The following GALNT7 variants were observed in gnomAD, a reference collection of about 807,000 sequenced individuals.
GALNT7 encodes polypeptide N-acetylgalactosaminyltransferase 7.
Under a neutral mutation model 82.1 loss-of-function variants are expected in GALNT7, and 60 were observed. The observed-to-expected ratio is 0.73, with a 90% CI of 0.59 to 0.91. GALNT7 has a LOEUF of 0.91. Among genes scored for constraint, GALNT7 ranks in the 40% least tolerant of loss-of-function variants. The pLI, the probability that GALNT7 is intolerant of heterozygous loss-of-function variation, is 0.00. For missense variants in GALNT7, 660 were observed against 804.2 expected (o/e 0.82, Z 2.17); for synonymous variants, 243 against 275.1 (o/e 0.88, Z 1.15).
intron 2 of GALNT7, among the ~76,000 whole-genome samples, chr4:173,291,142 C>CA (rs1325760268): frequency 6.6e-6 from 1 of 152,170 alleles, no homozygotes; most frequent in East Asian, 1.9e-4. Context: ...CGTTGTAAAT[C>CA]AAAATTGCTG....
At chr4:173,189,895 T>G (rs550370106) in intron 1 of GALNT7, among the ~76,000 whole-genome samples, 2 of 152,346 alleles carry the variant, frequency 1.3e-5, no homozygotes, top group African/African-American at 2.4e-5. Context: ...CTCAGTTGAT[T>G]CTGTTGACTC....
intron 2 of GALNT7, among the ~76,000 whole-genome samples, chr4:173,260,874 A>G (rs1239880074): frequency 6.6e-6 from 1 of 152,190 alleles, no homozygotes; most frequent in Admixed American, 6.5e-5. Context: ...ATGATGATTT[A>G]CTCAATTTTT....
chr4:173,169,517 C>G (rs1430256457), intron 1 of GALNT7: 1 of 151,694 alleles, frequency 6.6e-6, no homozygotes, highest in African/African-American at 2.4e-5. Flanking sequence ...TCCCCCGGCC[C>G]GCCCGCCGGG....
chr4:173,227,795 T>C (rs969419809), intron 1 of GALNT7, among the ~76,000 whole-genome samples: 1 of 148,426 alleles, frequency 6.7e-6, no homozygotes, highest in Admixed American at 6.6e-5. Context: ...CACTGCATTC[T>C]GTGTTTTTTG....
rs554281131 is a variant in GALNT7 at position 173,259,474 on chromosome 4, C to T, written c.587+11034C>T. ...AATACCGGGAGTGGAGAAAAAAGAT[C>T]CAATCCTGCTATTTCTCTAGTTCTA... On this transcript the variant is annotated intron_variant, in intron 2 of 11. Transcript: ENST00000265000. Among the ~76,000 whole-genome samples, 11 of 151,342 alleles carry T rather than the reference C, an allele frequency of 7.3e-5. No individual in the cohort carries two copies. The East Asian group carries it at 2.2e-3, about 30-fold the overall frequency.
chr4:173,308,295 C>G (rs1272541766), intron 8 of GALNT7, among the ~76,000 whole-genome samples: 2 of 152,088 alleles, frequency 1.3e-5, no homozygotes, highest in African/African-American at 4.8e-5. Flanking sequence ...ATATCCCATT[C>G]TGATTAAGAT....
chr4:173,257,158 G>T (rs1194947001), intron 2 of GALNT7, among the ~76,000 whole-genome samples: 1 of 152,190 alleles, frequency 6.6e-6, no homozygotes, highest in East Asian at 1.9e-4. Flanking sequence ...GCAGTTAGGG[G>T]AGGCTTCCTT....
chr4:173,293,771 G>C (rs1736621475), intron 3 of GALNT7, among the ~76,000 whole-genome samples: 1 of 152,194 alleles, frequency 6.6e-6, no homozygotes, highest in Non-Finnish European at 1.5e-5. Flanking sequence ...CACGGTCCTT[G>C]TGGGTCAGCC....
rs999169102 is a variant in GALNT7 at position 173,295,382 on chromosome 4, A to G, written c.755-14A>G. 1.3e-6 allele frequency: 2 copies of G among 1,523,554 alleles called. No individual in the cohort carries two copies. The highest frequency in any genetic ancestry group is 9.1e-7 in the Non-Finnish European group (1 of 1,100,786). 94.4% of individuals were successfully genotyped at this position (1,523,554 alleles called of 1,614,324 possible). A position where few individuals can be genotyped will look rare whatever the true frequency, so the allele number is the denominator to read the frequency against. On this transcript the variant is annotated splice_polypyrimidine_tract_variant and intron_variant, in intron 3 of 11. Transcript: ENST00000265000. ...TTCGTCTAATTTATAATATCGATTGATTTTTCTTAACAGAACACTTAAAAG... is the reference window on the plus strand; with the variant it reads ...TTCGTCTAATTTATAATATCGATTGGTTTTTCTTAACAGAACACTTAAAAG...
intron 1 of GALNT7, among the ~76,000 whole-genome samples, chr4:173,172,614 C>T (rs961523581): frequency 1.3e-5 from 2 of 152,118 alleles, no homozygotes; most frequent in African/African-American, 4.8e-5. Context: ...GGGGCCTTTC[C>T]TGCCCTGCTC....
intron 5 of GALNT7, 176 bp from the exon 6 acceptor site, chr4:173,297,939 G>A (rs1191414599): frequency 7.4e-6 from 11 of 1,482,856 alleles, no homozygotes; most frequent in African/African-American, 1.4e-5. Flanking sequence ...TAAGCCACAA[G>A]GAAAAGGCCA....
chr4:173,263,744 T>C (rs1735368498), intron 2 of GALNT7, among the ~76,000 whole-genome samples: 1 of 152,210 alleles, frequency 6.6e-6, no homozygotes. Flanking sequence ...GGGTATTTTA[T>C]TATAATATCA....
chr4:173,262,467 C>T (rs552608673), intron 2 of GALNT7, among the ~76,000 whole-genome samples: 1 of 152,220 alleles, frequency 6.6e-6, no homozygotes, highest in African/African-American at 2.4e-5. Flanking sequence ...CATTTGTTAA[C>T]ATCATCATCA....
At chr4:173,235,366 G>A (rs930702310) in intron 1 of GALNT7, among the ~76,000 whole-genome samples, 12 of 152,198 alleles carry the variant, frequency 7.9e-5, no homozygotes, top group Non-Finnish European at 1.2e-4. Context: ...CCCCAGGCAC[G>A]CCTCACTCTG....
At position 173,270,808 on chromosome 4, in the gene GALNT7, T is replaced by A. The variant is rs1046325099; in HGVS notation, c.588-21300T>A. On this transcript the variant is annotated intron_variant, in intron 2 of 11. Transcript: ENST00000265000. ...TCTTGTATCTTTGTTTGTGTTTTCC[T>A]TTCCCGCTTAAGCACATTTATCTTT... is the stretch of plus-strand genomic sequence containing the variant. Among the ~76,000 whole-genome samples the A allele has an allele frequency of 6.6e-5, 10 of 152,270 alleles. No individual in the cohort carries two copies. The East Asian group carries it at 1.9e-3, about 29-fold the overall frequency.
rs1050063043 is a variant in GALNT7, at chr4:173,317,687, A to G, written c.1662A>G (p.Gly554=). The G allele has an allele frequency of 5.0e-6, 8 of 1,613,042 alleles. No homozygotes were observed. In the African/African-American group the frequency reaches 1.1e-4, roughly 22 times the overall value. The change falls in exon 10 of 12, where the codon GGA becomes GGG. Residue 554 remains glycine, a synonymous_variant. Coordinates refer to ENST00000265000, the MANE Select transcript of GALNT7 (RefSeq NM_017423.3). The part of the protein sequence containing the change: ...YCIDSMGKTN[G]GFVELGPCHR... ...TTGATAGCATGGGAAAAACAAATGG[A>G]GGCTTTGTTGAACTAGGACCCTGCC...
chr4:173,313,943 A>ATATT lies in GALNT7; in HGVS notation c.1390-14_1390-13insATTT, dbSNP rs142053913. 1.9e-5 allele frequency: 17 copies of ATATT among 899,942 alleles called. No homozygotes were observed. The highest frequency in any genetic ancestry group is 1.8e-4 in the African/African-American group (10 of 56,704). The allele number at this position is 899,942 out of a possible 1,614,324, so 55.7% of individuals were successfully genotyped here. On this transcript the variant is annotated splice_polypyrimidine_tract_variant and intron_variant, in intron 8 of 11. Coordinates refer to ENST00000265000, the MANE Select transcript of GALNT7 (RefSeq NM_017423.3). ...TTTTTATAACGATATATATATATAT[A>ATATT]TTTTTTTTTTACAGAATTATGTTAG...
chr4:173,314,268 T>TG, intron 9 of GALNT7, 92 bp downstream of exon 9: 2 of 892,560 alleles, frequency 2.2e-6, no homozygotes, highest in Non-Finnish European at 3.7e-6. Flanking sequence ...GAAGTATTCT[T>TG]GGGGAAAAGT....
intron 2 of GALNT7, among the ~76,000 whole-genome samples, chr4:173,286,993 G>T (rs981194431): frequency 2.0e-5 from 3 of 152,194 alleles, no homozygotes; most frequent in African/African-American, 7.2e-5. Context: ...TTGGTTGGGG[G>T]ACAGAGGAGA....
Sources: gnomAD v4.1 joint callset for allele counts (sites outside exome capture counted in the v4.1 genomes callset) on GRCh38, gnomAD v4.1.1 for gene constraint, MANE v1.5 for transcripts, NCBI Gene and HGNC (gene_info 2026-07-23, HGNC 2026-07-21) for gene names.